The following COL4A5 variants were observed in gnomAD, a reference collection of about 807,000 sequenced individuals.
COL4A5 encodes collagen alpha-5(IV) chain.
In COL4A5, 26 loss-of-function variants were observed where a neutral mutation model predicts 130.2. The ratio of observed to expected loss-of-function variants is 0.20; its 90% confidence interval spans 0.15 to 0.28. The LOEUF (loss-of-function observed/expected upper bound fraction) is 0.28. Ranked by LOEUF, COL4A5 falls within the 10% of genes least tolerant of loss-of-function variation. COL4A5 has a pLI of 1.00. For synonymous variants in COL4A5, 496 were observed against 439.6 expected (o/e 1.13, Z -1.60); for missense variants, 1,131 against 1,344.3 (o/e 0.84, Z 2.48).
chrX:108,632,342 C>A (rs147454973), intron 36 of COL4A5, among the ~76,000 whole-genome samples: 10,397 of 109,719 alleles, frequency 0.095, 1,154 homozygotes, highest in African/African-American at 0.31. Context: ...TAATTAATAG[C>A]CTACCACCCA....
At chrX:108,642,848 C>CAAAAAAAAAAAAAAAAAAAAAA (rs35804797) in intron 36 of COL4A5, among the ~76,000 whole-genome samples, 1 of 34,681 alleles carries the variant, frequency 2.9e-5, no homozygotes, top group Non-Finnish European at 7.1e-5. Flanking sequence ...TCCCCCTCTC[C>CAAAAAAAAAAAAAAAAAAAAAA]AAAAAAAAAA....
intron 33 of COL4A5, among the ~76,000 whole-genome samples, chrX:108,623,252 A>G (rs1347952521): frequency 1.8e-5 from 2 of 111,841 alleles, no homozygotes; most frequent in African/African-American, 6.5e-5. Flanking sequence ...TGATATCCAT[A>G]TCATACTTGG....
chrX:108,517,748 A>G (rs1031201313), intron 1 of COL4A5, among the ~76,000 whole-genome samples: 5 of 112,007 alleles, frequency 4.5e-5, no homozygotes, highest in African/African-American at 1.6e-4. Context: ...GTTTCACTTC[A>G]AAACTTTGGG....
chrX:108,695,419 A>G lies in COL4A5; in HGVS notation c.4974A>G (p.Val1658=). The G allele has an allele frequency of 8.3e-7, 1 of 1,211,288 alleles. No homozygotes were observed. The highest frequency in any genetic ancestry group is 1.1e-6 in the Non-Finnish European group (1 of 895,257). The change falls in exon 52 of 53, where the codon GTA becomes GTG. Residue 1658 remains valine, a synonymous_variant. Transcript: ENST00000328300. The part of the protein sequence containing the change: ...ANSYSFWLAT[V]DVSDMFSKPQ... ...CCTACAGCTTTTGGCTGGCAACTGTAGATGTGTCAGACATGTTCAGGTAAA... is the reference window on the plus strand; with the variant it reads ...CCTACAGCTTTTGGCTGGCAACTGTGGATGTGTCAGACATGTTCAGGTAAA...
intron 49 of COL4A5, among the ~76,000 whole-genome samples, chrX:108,692,079 G>A (rs1170530201): frequency 2.7e-5 from 3 of 111,930 alleles, no homozygotes; most frequent in Non-Finnish European, 5.6e-5. Flanking sequence ...AAGTGTAAGA[G>A]AGTGCATTTT....
At chrX:108,542,051 C>T (rs990281796) in intron 2 of COL4A5, among the ~76,000 whole-genome samples, 17 of 111,843 alleles carry the variant, frequency 1.5e-4, no homozygotes, top group African/African-American at 4.5e-4. Context: ...AAAATCTCCT[C>T]ATGATGCGTG....
chrX:108,552,943 A>G (rs1376149662), intron 2 of COL4A5, among the ~76,000 whole-genome samples: 2 of 112,440 alleles, frequency 1.8e-5, no homozygotes, highest in Non-Finnish European at 3.8e-5. Context: ...ATGGGACATA[A>G]TAGAGACTCA....
intron 42 of COL4A5, among the ~76,000 whole-genome samples, chrX:108,672,969 A>G (rs930604860): frequency 8.9e-6 from 1 of 112,291 alleles, no homozygotes; most frequent in African/African-American, 3.2e-5. Context: ...AGAAGCCAAT[A>G]TTTAGCTTTC....
chrX:108,636,677 G>T (rs1247505925), intron 36 of COL4A5, among the ~76,000 whole-genome samples: 2 of 111,202 alleles, frequency 1.8e-5, no homozygotes, highest in Non-Finnish European at 3.8e-5. Flanking sequence ...TTCTATCCAA[G>T]AAAAATGCAG....
chrX:108,470,221 C>A (rs1346176408), intron 1 of COL4A5, among the ~76,000 whole-genome samples: 1 of 112,410 alleles, frequency 8.9e-6, no homozygotes, highest in Non-Finnish European at 1.9e-5. Flanking sequence ...CTCCAAACTG[C>A]TTTTCACAGT....
At chrX:108,509,892 C>T (rs1198820472) in intron 1 of COL4A5, among the ~76,000 whole-genome samples, 1 of 112,172 alleles carries the variant, frequency 8.9e-6, no homozygotes, top group Non-Finnish European at 1.9e-5. Context: ...ATAGCAAAGA[C>T]ATGGAATCAA....
intron 1 of COL4A5, among the ~76,000 whole-genome samples, chrX:108,524,256 A>G (rs2065292273): frequency 8.9e-6 from 1 of 112,065 alleles, no homozygotes; most frequent in African/African-American, 3.2e-5. Context: ...CTGGTCTTAT[A>G]GGGAAATGAT....
chrX:108,510,712 A>T lies in COL4A5; in HGVS notation c.82-29034A>T, dbSNP rs963218862. On this transcript the variant is annotated intron_variant, in intron 1 of 52. Transcript: ENST00000328300. ...TTGGTGGCTATTGGTAGTTTTCCTCATTCTCATATTTTGCCTTTGTGATAC... is the reference window on the plus strand; with the variant it reads ...TTGGTGGCTATTGGTAGTTTTCCTCTTTCTCATATTTTGCCTTTGTGATAC... 2.0e-4 allele frequency among the ~76,000 whole-genome samples: 22 copies of T among 111,640 alleles called. 1 individual carries two copies. Among genetic ancestry groups the T allele is most frequent in the Non-Finnish European group, 3.8e-4 (20 of 52,941 alleles).
chrX:108,518,166 T>G (rs2065236842), intron 1 of COL4A5, among the ~76,000 whole-genome samples: 2 of 111,561 alleles, frequency 1.8e-5, no homozygotes, highest in Admixed American at 1.9e-4. Flanking sequence ...CATTCTGATT[T>G]AGAGTAATTT....
chrX:108,522,134 G>A (rs1275933347), intron 1 of COL4A5, among the ~76,000 whole-genome samples: 2 of 110,785 alleles, frequency 1.8e-5, no homozygotes, highest in African/African-American at 6.6e-5. Flanking sequence ...AGCATAAATC[G>A]GTACTTCATT....
intron 42 of COL4A5, among the ~76,000 whole-genome samples, chrX:108,673,829 G>T (rs1470976383): frequency 9.2e-6 from 1 of 108,830 alleles, no homozygotes; most frequent in Non-Finnish European, 1.9e-5. Flanking sequence ...ATCACCTGAG[G>T]TCAGGAATTC....
chrX:108,535,507 C>T (rs1348419561), intron 1 of COL4A5, among the ~76,000 whole-genome samples: 1 of 111,205 alleles, frequency 9.0e-6, no homozygotes, highest in Admixed American at 9.6e-5. Context: ...TCAATGCAGT[C>T]AGAGTCCACT....
At chrX:108,582,695 CTTT>C (rs34190918) in intron 16 of COL4A5, 186 bp from the exon 17 acceptor site, 4,389 of 236,056 alleles carry the variant, frequency 0.019, 4 homozygotes, top group East Asian at 0.039. Context: ...CAAGATTCAG[CTTT>C]TTTTTTTTTT....
intron 16 of COL4A5, chrX:108,582,623 A>G (rs1271441118): frequency 2.9e-6 from 1 of 349,732 alleles, no homozygotes; most frequent in Non-Finnish European, 5.0e-6. Context: ...AAAATGCCAT[A>G]AATCTCTGAG....
Sources: allele counts gnomAD v4.1 joint callset (sites outside exome capture counted in the v4.1 genomes callset), GRCh38; gene constraint gnomAD v4.1.1; transcripts MANE v1.5; gene names NCBI Gene and HGNC (gene_info 2026-07-23, HGNC 2026-07-21).